Variants in NOSIP observed in about 807,000 individuals in gnomAD.
NOSIP encodes the protein nitric oxide synthase-interacting protein.
Under a neutral mutation model 36.4 loss-of-function variants are expected in NOSIP, and 25 were observed. That is an observed-to-expected ratio of 0.69 (90% confidence interval 0.50 to 0.96). The LOEUF is 0.96. NOSIP is among the 40% of genes least tolerant of loss of function. NOSIP has a pLI of 0.00. For synonymous variants in NOSIP, 187 were observed against 179.2 expected (o/e 1.04, Z -0.35); for missense variants, 370 against 429.0 (o/e 0.86, Z 1.21).
chr19:49,576,003 C>T (rs920136158), intron 1 of NOSIP, among the ~76,000 whole-genome samples: 5 of 151,954 alleles, frequency 3.3e-5, no homozygotes, highest in East Asian at 1.9e-4. Context: ...GGCGTGGTGG[C>T]GGGCGCCTGT....
Position 49,556,353 on chromosome 19 carries a change from G to T in NOSIP, c.798C>A (p.Asp266Glu). 1 of 1,613,622 alleles carries T rather than the reference G, an allele frequency of 6.2e-7. No individual in the cohort carries two copies. Among genetic ancestry groups the T allele is most frequent in the Non-Finnish European group, 8.5e-7 (1 of 1,179,826 alleles). ...CGATGATGTCGCGGTCTGTGAGTTT[G>T]TCTCCAGTCACAGGGTCCACCATGT... The part of the protein sequence containing the change: ...RKDMVDPVTG[D>E]KLTDRDIIVL... Residue 266 changes from aspartate to glutamate, a missense_variant, in exon 8 of 9, where the codon GAC (aspartate) becomes GAA (glutamate). By Grantham distance (45) the Asp-to-Glu change is conservative (BLOSUM62 2). Around this residue, in one of 3 missense-constraint regions of NOSIP, gnomAD observed 315 missense variants for 331.9 expected, o/e 0.95. Transcript: ENST00000596358.
At chr19:49,557,447 A>G (rs1269760013) in intron 4 of NOSIP, 198 bp from the exon 5 acceptor site, 3 of 1,419,358 alleles carry the variant, frequency 2.1e-6, no homozygotes, top group South Asian at 1.5e-5. Context: ...CTCAAAGCCC[A>G]TCTCTGTCAC....
chr19:49,574,922 G>A (rs866917333), intron 1 of NOSIP, among the ~76,000 whole-genome samples: 1 of 150,182 alleles, frequency 6.7e-6, no homozygotes, highest in Admixed American at 6.7e-5. Flanking sequence ...GAGTGCAGTG[G>A]CGTGATCTCG....
At chr19:49,579,845 T>C (rs1260373487) in intron 1 of NOSIP, among the ~76,000 whole-genome samples, 1 of 152,160 alleles carries the variant, frequency 6.6e-6, no homozygotes, top group Non-Finnish European at 1.5e-5. Context: ...GGAATTCCTG[T>C]ATTCTTCTCT....
chr19:49,558,541 G>A, intron 4 of NOSIP: 1 of 173,962 alleles, frequency 5.7e-6, no homozygotes, highest in East Asian at 1.5e-4. Flanking sequence ...TTACAGGTGT[G>A]AGCCACCACC....
intron 4 of NOSIP, chr19:49,557,593 C>T (rs1407824143): frequency 4.2e-6 from 5 of 1,179,232 alleles, no homozygotes; most frequent in East Asian, 4.0e-5. Context: ...TGGAGAGCCT[C>T]ACCTGGCACT....
intron 1 of NOSIP, among the ~76,000 whole-genome samples, chr19:49,569,476 G>T (rs901781993): frequency 2.7e-4 from 39 of 146,588 alleles, no homozygotes; most frequent in African/African-American, 8.7e-4. Context: ...GGGATTACAG[G>T]TGTGAGCCAC....
rs1250973102 is a variant in NOSIP at position 49,557,227 on chromosome 19, G to A, written c.281C>T (p.Thr94Ile). ...AAGCTCCTTCTGCTCCTCGCGCCGG[G>A]TGCCCCGCTGCTTCTCGTAGGCCTG... is the stretch of plus-strand genomic sequence containing the variant. Reference protein sequence around the residue: ...QMKAYEKQRGTRREEQKELQR... With the variant: ...QMKAYEKQRGIRREEQKELQR... Residue 94 changes from threonine (T) to isoleucine (I), a missense_variant, in exon 5 of 9, where the codon ACC (threonine) becomes ATC (isoleucine). Coordinates refer to ENST00000596358, the MANE Select transcript of NOSIP (RefSeq NM_001270960.2). 6.3e-7 allele frequency: 1 copy of A among 1,593,604 alleles called. No individual in the cohort carries two copies. The highest frequency in any genetic ancestry group is 8.5e-7 in the Non-Finnish European group (1 of 1,170,914).
chr19:49,562,225 G>A (rs1338536281), intron 1 of NOSIP, among the ~76,000 whole-genome samples: 7 of 152,110 alleles, frequency 4.6e-5, no homozygotes, highest in Admixed American at 2.6e-4. Flanking sequence ...AAGTTAAAGC[G>A]ATTCTCCTGC....
chr19:49,576,623 A>T (rs1001772485), intron 1 of NOSIP, among the ~76,000 whole-genome samples: 1 of 151,600 alleles, frequency 6.6e-6, no homozygotes, highest in Non-Finnish European at 1.5e-5. Flanking sequence ...GGTGGCTCAC[A>T]CCTGTAATCC....
rs2080317161 is a variant in NOSIP, at chr19:49,560,446, G to A, written c.70+176C>T. On this transcript the variant is annotated intron_variant, in intron 2 of 8. Coordinates refer to ENST00000596358, the MANE Select transcript of NOSIP (RefSeq NM_001270960.2). The surrounding 1 kb of genome is among the most constrained non-coding windows in gnomAD (Gnocchi z 4.6). ...ATGCGCAGAAGGCAGAGAACACAGTGCCGGGCCACATGGGGTCATGGGATC... is the reference window on the plus strand; with the variant it reads ...ATGCGCAGAAGGCAGAGAACACAGTACCGGGCCACATGGGGTCATGGGATC... 4 of 625,686 alleles carry A rather than the reference G, an allele frequency of 6.4e-6. No individual in the cohort carries two copies. The highest frequency in any genetic ancestry group is 1.2e-5 in the Non-Finnish European group (4 of 344,508). The allele number at this position is 625,686 out of a possible 1,614,324, so 38.8% of individuals were successfully genotyped here.
At chr19:49,571,022 G>A (rs912064934) in intron 1 of NOSIP, among the ~76,000 whole-genome samples, 26 of 151,922 alleles carry the variant, frequency 1.7e-4, no homozygotes, top group African/African-American at 6.3e-4. Flanking sequence ...TGTTGCCGAA[G>A]CTGGAGTGCA....
In NOSIP at chr19:49,560,623, T is replaced by C. The variant is rs199597353; in HGVS notation, c.69A>G (p.Thr23=). The C allele has an allele frequency of 8.6e-5, 137 of 1,586,334 alleles. No homozygotes were observed. Among genetic ancestry groups the C allele is most frequent in the Non-Finnish European group, 1.1e-4 (124 of 1,165,172 alleles). ...VYTYHEKKKD[T]AASGYGTQNI... ...CCTCTTCCCACCCCAGCCCTGCACC[T>C]GTGTCCTTCTTCTTCTCGTGGTAGG... Residue 23 remains threonine (T), a splice_region_variant and synonymous_variant, in exon 2 of 9, where the codon ACA becomes ACG. Transcript: ENST00000596358. This position sits in a 1 kb window ranked among gnomAD's most constrained non-coding sequence, Gnocchi z 4.6.
Position 49,556,436 on chromosome 19 carries a change from G to A in NOSIP, c.726-11C>T. ...GTGACCACAGCCCCACTACGGTGAGGCCGAAGGCGGGAGACTCTGATCAGG... is the reference window on the plus strand; with the variant it reads ...GTGACCACAGCCCCACTACGGTGAGACCGAAGGCGGGAGACTCTGATCAGG... On this transcript the variant is annotated splice_polypyrimidine_tract_variant and intron_variant, in intron 7 of 8. Transcript: ENST00000596358. 6.2e-7 allele frequency: 1 copy of A among 1,612,136 alleles called. No individual in the cohort carries two copies. Among genetic ancestry groups the A allele is most frequent in the Non-Finnish European group, 8.5e-7 (1 of 1,178,958 alleles).
chr19:49,556,175 G>GGC, intron 8 of NOSIP, 142 bp downstream of exon 8: 3 of 395,948 alleles, frequency 7.6e-6, no homozygotes, highest in South Asian at 7.0e-5. Context: ...GAAAGCGGGG[G>GGC]GGGGGGGCGG....
Position 49,556,865 on chromosome 19 carries a change from G to C in NOSIP, c.537+10C>G. On this transcript the variant is annotated intron_variant, in intron 6 of 8. Transcript: ENST00000596358. ...GGCACCGTGCGTGCCGGGGCGCTGT[G>C]GGGGCTCACCGGCTTCTCCAGCTTG... 1.2e-6 allele frequency: 2 copies of C among 1,609,572 alleles called. No individual in the cohort carries two copies. The highest frequency in any genetic ancestry group is 1.7e-6 in the Non-Finnish European group (2 of 1,176,290).
rs907655291 is a variant in NOSIP, at chr19:49,555,626, C to A, written c.*125G>T. 3.3e-5 allele frequency: 24 copies of A among 736,558 alleles called. No homozygotes were observed. In the African/African-American group the frequency reaches 3.3e-4, roughly 10 times the overall value. 45.6% of individuals were successfully genotyped at this position (736,558 alleles called of 1,614,324 possible). Reference sequence around the variant, plus strand: ...CCGCTCTTTCAAACTCCAGCGTGCGCTGTAGGAGCACTGTTTGCACGGCCC... The same window carrying A: ...CCGCTCTTTCAAACTCCAGCGTGCGATGTAGGAGCACTGTTTGCACGGCCC... On this transcript the variant is annotated 3_prime_UTR_variant, in exon 9 of 9. Transcript: ENST00000596358.
intron 1 of NOSIP, among the ~76,000 whole-genome samples, chr19:49,577,964 T>C (rs2122206685): frequency 6.6e-6 from 1 of 151,948 alleles, no homozygotes; most frequent in Middle Eastern, 3.4e-3. Flanking sequence ...TGGGAGGAAA[T>C]AGGGAATGAC....
At chr19:49,556,285 T>C in intron 8 of NOSIP, 32 bp downstream of exon 8, 2 of 1,155,164 alleles carry the variant, frequency 1.7e-6, no homozygotes, top group African/African-American at 3.1e-5. Context: ...GGCCTTGGAG[T>C]GCTGGGGGAA....
Sources: allele counts gnomAD v4.1 joint callset (sites outside exome capture counted in the v4.1 genomes callset), GRCh38; gene constraint gnomAD v4.1.1; regional missense constraint gnomAD v4.1.1; non-coding constraint Gnocchi (gnomAD v3.1); transcripts MANE v1.5; gene names NCBI Gene and HGNC (gene_info 2026-07-23, HGNC 2026-07-21).